GRAMD1B: variants seen among roughly 807,000 people sequenced by gnomAD.
GRAMD1B encodes the protein GRAM domain containing 1B, also known as protein Aster-B.
In GRAMD1B, 37 loss-of-function variants were observed where a neutral mutation model predicts 99.7. That is an observed-to-expected ratio of 0.37 (90% CI 0.29 to 0.49). The LOEUF is 0.49. Among genes scored for constraint, GRAMD1B ranks in the 20% least tolerant of loss-of-function variants. The probability of loss-of-function intolerance (pLI) is 0.98; values close to 1 mark genes in which losing one functional copy is unlikely to be tolerated. For synonymous variants in GRAMD1B, 427 were observed against 387.6 expected (o/e 1.10, Z -1.19); for missense variants, 888 against 1,009.2 (o/e 0.88, Z 1.63).
At chr11:123,586,375 T>A (rs1244049039) in intron 4 of GRAMD1B, among the ~76,000 whole-genome samples, 1 of 152,196 alleles carries the variant, frequency 6.6e-6, no homozygotes, top group African/African-American at 2.4e-5. Context: ...TTCTCACTTG[T>A]CTCCTTTCAC....
In GRAMD1B at chr11:123,446,139, T is replaced by G. The variant is rs114354731; in HGVS notation, c.374+14973T>G. ...TACTTGGACCTCACTGGTTCTCTAG[T>G]AGGGTCTGTGAGCCTCTGCAGACTT... On this transcript the variant is annotated intron_variant, in intron 1 of 19. Transcript: ENST00000635736. Among the ~76,000 whole-genome samples the G allele has an allele frequency of 5.3e-3, 802 of 152,264 alleles. 10 individuals carry two copies. The highest frequency in any genetic ancestry group is 0.019 in the African/African-American group (782 of 41,552).
At chr11:123,396,362 G>A (rs553960901) in intron 1 of GRAMD1B, among the ~76,000 whole-genome samples, 62 of 150,866 alleles carry the variant, frequency 4.1e-4, no homozygotes, top group Non-Finnish European at 8.6e-4. Context: ...TACAACTTCC[G>A]CCTCCCAGGT....
chr11:123,516,913 G>A (rs1466513436), intron 2 of GRAMD1B, among the ~76,000 whole-genome samples: 1 of 152,050 alleles, frequency 6.6e-6, no homozygotes, highest in Non-Finnish European at 1.5e-5. Flanking sequence ...CATATTAGAC[G>A]CTCCATAAGT....
At chr11:123,594,538 A>C (rs1482370361) in intron 5 of GRAMD1B, among the ~76,000 whole-genome samples, 197 bp from the exon 6 acceptor site, 1 of 152,140 alleles carries the variant, frequency 6.6e-6, no homozygotes, top group Non-Finnish European at 1.5e-5. Flanking sequence ...GCAGTTGCAC[A>C]TCACACCACC....
chr11:123,576,624 A>G (rs1948742255), intron 2 of GRAMD1B, among the ~76,000 whole-genome samples: 1 of 152,156 alleles, frequency 6.6e-6, no homozygotes, highest in African/African-American at 2.4e-5. Context: ...ATTGGGAATA[A>G]ATGTTGGGGT....
intron 1 of GRAMD1B, among the ~76,000 whole-genome samples, chr11:123,393,183 A>G (rs1947339987): frequency 6.6e-6 from 1 of 152,214 alleles, no homozygotes; most frequent in Non-Finnish European, 1.5e-5. Context: ...CAAGACTCCT[A>G]TACATTAAGT....
intron 1 of GRAMD1B, among the ~76,000 whole-genome samples, chr11:123,417,570 G>A (rs1056702308): frequency 1.3e-5 from 2 of 152,156 alleles, no homozygotes; most frequent in Non-Finnish European, 2.9e-5. Context: ...CATCAGCATT[G>A]ATGTTTACAA....
At chr11:123,617,206 C>T (rs1338788755) in intron 17 of GRAMD1B, among the ~76,000 whole-genome samples, 1 of 141,100 alleles carries the variant, frequency 7.1e-6, no homozygotes, top group East Asian at 2.0e-4. Context: ...TTGTTTGAGA[C>T]AGGTTCTCAC....
chr11:123,441,838 G>C (rs1190610373), intron 1 of GRAMD1B, among the ~76,000 whole-genome samples: 2 of 152,116 alleles, frequency 1.3e-5, no homozygotes, highest in Admixed American at 1.3e-4. Context: ...ATTTGGAGGG[G>C]AGAAATATCC....
chr11:123,362,288 C>G (rs10893026), intron 1 of GRAMD1B, among the ~76,000 whole-genome samples: 78,947 of 152,080 alleles, frequency 0.52, 24,445 homozygotes, highest in African/African-American at 0.88. Context: ...GCTTAAAACT[C>G]TCTGAATCCT....
chr11:123,417,904 G>T lies in GRAMD1B; in HGVS notation c.-176+59105G>T, dbSNP rs184208485. 3.3e-5 allele frequency among the ~76,000 whole-genome samples: 5 copies of T among 152,280 alleles called. No homozygotes were observed. In the East Asian group the frequency reaches 7.7e-4, roughly 24 times the overall value. On this transcript the variant is annotated intron_variant, in intron 1 of 20. Transcript: ENST00000638157. ...GAGCAACCTGTAGCTGTGGCTACAG[G>T]CACATGCCTCTATGCCTGGCTAATT...
chr11:123,526,715 G>A (rs568526486), intron 2 of GRAMD1B, among the ~76,000 whole-genome samples: 143 of 152,258 alleles, frequency 9.4e-4, no homozygotes, highest in Non-Finnish European at 1.7e-3. Flanking sequence ...CGAGTGGACC[G>A]CTGCCTACCC....
intron 1 of GRAMD1B, among the ~76,000 whole-genome samples, chr11:123,405,522 A>G (rs114981770): frequency 0.011 from 1,625 of 152,292 alleles, 25 homozygotes; most frequent in African/African-American, 0.035. Flanking sequence ...TGCTGCGGAT[A>G]ACTTGGGTCT....
intron 1 of GRAMD1B, among the ~76,000 whole-genome samples, chr11:123,406,016 CTTTT>C (rs72167101): frequency 1.4e-5 from 2 of 139,950 alleles, no homozygotes; most frequent in African/African-American, 2.6e-5. Flanking sequence ...AACATTATTC[CTTTT>C]TTTTTTTTTT....
At position 123,470,219 on chromosome 11, in the gene GRAMD1B, C is replaced by A. The variant is rs762842904; in HGVS notation, c.375-10597C>A. 7.3e-4 allele frequency among the ~76,000 whole-genome samples: 111 copies of A among 152,174 alleles called. 1 individual carries two copies. Among genetic ancestry groups the A allele is most frequent in the Non-Finnish European group, 1.3e-3 (86 of 68,042 alleles). ...TTCCTCAAGGGCTTGCACACCCACA[C>A]CACAGAAGACACTTAAAATATTATC... On this transcript the variant is annotated intron_variant, in intron 1 of 19. Transcript: ENST00000635736.
At chr11:123,417,734 C>T (rs1393182697) in intron 1 of GRAMD1B, among the ~76,000 whole-genome samples, 3 of 152,088 alleles carry the variant, frequency 2.0e-5, no homozygotes, top group African/African-American at 4.8e-5. Flanking sequence ...GTCAGGAGTT[C>T]GAGACCAGCC....
chr11:123,435,613 G>A (rs941184270), intron 1 of GRAMD1B: 7 of 595,350 alleles, frequency 1.2e-5, no homozygotes, highest in East Asian at 2.8e-5. Flanking sequence ...TCTTTGTATC[G>A]TCACAGCACT....
intron 4 of GRAMD1B, among the ~76,000 whole-genome samples, chr11:123,589,327 T>C (rs1470044050): frequency 6.6e-6 from 1 of 151,580 alleles, no homozygotes; most frequent in Admixed American, 6.6e-5. Context: ...ATCCGTGGGG[T>C]GTCCATCTAG....
rs150649275 is a variant in GRAMD1B, at chr11:123,423,653, T to C, written c.-175-57163T>C. On this transcript the variant is annotated intron_variant, in intron 1 of 20. Transcript: ENST00000638157. The stretch of plus-strand genomic sequence containing the variant: ...ACCTAATTACAAAATTTAATGGAAT[T>C]ATCTCTGTCTTTCTTCTGCCTGACT... Among the ~76,000 whole-genome samples, 97 of 152,322 alleles carry C rather than the reference T, an allele frequency of 6.4e-4. 3 individuals carry two copies. In the Middle Eastern group the frequency reaches 0.027, roughly 43 times the overall value.
Sources: allele counts gnomAD v4.1 joint callset (sites outside exome capture counted in the v4.1 genomes callset), GRCh38; gene constraint gnomAD v4.1.1; transcripts MANE v1.5; gene names NCBI Gene and HGNC (gene_info 2026-07-23, HGNC 2026-07-21).